TUT4: variants seen among roughly 807,000 people sequenced by gnomAD.
TUT4 encodes terminal uridylyltransferase 4.
Under a neutral mutation model 192.2 loss-of-function variants are expected in TUT4, and 36 were observed. The observed-to-expected ratio is 0.19, with a 90% CI of 0.14 to 0.25. The LOEUF is 0.25. Ranked by LOEUF, TUT4 falls within the 10% of genes least tolerant of loss-of-function variation. The pLI, the probability that TUT4 is intolerant of heterozygous loss-of-function variation, is 1.00. For synonymous variants in TUT4, 618 were observed against 666.0 expected (o/e 0.93, Z 1.11); for missense variants, 1,493 against 1,957.2 (o/e 0.76, Z 4.47).
intron 4 of TUT4, among the ~76,000 whole-genome samples, chr1:52,509,184 C>T (rs1367216335): frequency 6.6e-6 from 1 of 152,116 alleles, no homozygotes; most frequent in Non-Finnish European, 1.5e-5. Flanking sequence ...CTTCATACAC[C>T]TCCTTAGCAC....
chr1:52,502,367 AT>A (rs1390263390), intron 4 of TUT4, among the ~76,000 whole-genome samples: 2 of 152,090 alleles, frequency 1.3e-5, no homozygotes, highest in African/African-American at 4.8e-5. Context: ...TTTGTCCCCT[AT>A]GTGTATCCAC....
At chr1:52,457,486 G>A (rs12044548) in intron 20 of TUT4, among the ~76,000 whole-genome samples, 13,331 of 151,824 alleles carry the variant, frequency 0.088, 735 homozygotes, top group East Asian at 0.2. Flanking sequence ...TGCCCGCCTC[G>A]GCCTCCCAAA....
At chr1:52,542,955 A>G (rs1571503814) in intron 1 of TUT4, among the ~76,000 whole-genome samples, 1 of 151,986 alleles carries the variant, frequency 6.6e-6, no homozygotes, top group Non-Finnish European at 1.5e-5. Context: ...GCGTTTCTCC[A>G]TGTTCGTCAG....
intron 14 of TUT4, among the ~76,000 whole-genome samples, chr1:52,470,588 G>A (rs923185424): frequency 6.6e-6 from 1 of 151,720 alleles, no homozygotes; most frequent in Non-Finnish European, 1.5e-5. Flanking sequence ...ATTAACCACC[G>A]ATACACAACA....
intron 29 of TUT4, 142 bp from the exon 30 acceptor site, chr1:52,424,144 G>A: frequency 2.6e-6 from 2 of 776,138 alleles, no homozygotes; most frequent in South Asian, 1.8e-5. Context: ...ACATTTGAGA[G>A]GGTGGGGAGA....
At chr1:52,525,484 T>G in intron 2 of TUT4, 79 bp downstream of exon 2, 1 of 1,501,506 alleles carries the variant, frequency 6.7e-7, no homozygotes, top group Non-Finnish European at 8.9e-7. Flanking sequence ...TAAACATGAC[T>G]TTTTGTAATT....
At position 52,474,921 on chromosome 1, in the gene TUT4, C is replaced by T; in HGVS notation, c.2638G>A (p.Glu880Lys). The change falls in exon 13 of 30, where the codon GAA becomes AAA. Residue 880 changes from glutamate (E) to lysine (K), a missense_variant. Glu to Lys is a moderately conservative substitution (Grantham distance 56). Transcript: ENST00000257177. ...TCATCATTAAGGTCAGAAGCATCTT[C>T]TGTAGCTTTGCAGTTGCAAGAGGTA... ...SATSCNCKAT[E>K]DASDLNDDDN... 1 of 1,614,178 alleles carries T rather than the reference C, an allele frequency of 6.2e-7. No homozygotes were observed. Among genetic ancestry groups the T allele is most frequent in the Non-Finnish European group, 8.5e-7 (1 of 1,180,042 alleles).
At chr1:52,495,564 G>T in intron 5 of TUT4, 49 bp from the exon 6 acceptor site, 1 of 1,428,700 alleles carries the variant, frequency 7.0e-7, no homozygotes, top group South Asian at 1.2e-5. Flanking sequence ...GCAAATATGA[G>T]AGATGTAAAA....
chr1:52,456,042 G>A (rs533367976), intron 20 of TUT4, among the ~76,000 whole-genome samples: 1 of 152,132 alleles, frequency 6.6e-6, no homozygotes, highest in Non-Finnish European at 1.5e-5. Context: ...AAGTAAAACA[G>A]ATATTTTTCC....
At position 52,500,931 on chromosome 1, in the gene TUT4, A is replaced by G. The variant is rs537123212; in HGVS notation, c.1000-3748T>C. Reference sequence around the variant, plus strand: ...CAAAGACCTCATTTCAAAAACAAAAAAAGAAAAGAAAGATACTAAAACCTA... The same window carrying G: ...CAAAGACCTCATTTCAAAAACAAAAGAAGAAAAGAAAGATACTAAAACCTA... On this transcript the variant is annotated intron_variant, in intron 4 of 29. Transcript: ENST00000257177. 2.0e-5 allele frequency among the ~76,000 whole-genome samples: 3 copies of G among 152,296 alleles called. No individual in the cohort carries two copies. In the East Asian group the frequency reaches 5.8e-4, roughly 29 times the overall value.
chr1:52,517,316 A>T (rs942389959), intron 2 of TUT4, among the ~76,000 whole-genome samples: 1 of 152,216 alleles, frequency 6.6e-6, no homozygotes, highest in Admixed American at 6.5e-5. Flanking sequence ...ATCTGAGCTA[A>T]TGCTCTGTGT....
chr1:52,524,038 A>C (rs1251603467), intron 2 of TUT4, among the ~76,000 whole-genome samples: 3 of 152,242 alleles, frequency 2.0e-5, no homozygotes, highest in African/African-American at 7.2e-5. Flanking sequence ...GATTAAAGTT[A>C]CTCAAAAGAC....
intron 5 of TUT4, 24 bp from the exon 6 acceptor site, chr1:52,495,539 A>G: frequency 6.6e-7 from 1 of 1,525,834 alleles, no homozygotes; most frequent in South Asian, 1.2e-5. Flanking sequence ...AAAACATCAA[A>G]GCATGAAATA....
rs565963273 is a variant in TUT4, at chr1:52,509,207, CT to C, written c.999+388del. 3.3e-4 allele frequency among the ~76,000 whole-genome samples: 51 copies of C among 152,310 alleles called. No homozygotes were observed. The South Asian group carries it at 6.4e-3, about 19-fold the overall frequency. ...ACCTCCTTAGCACAATCTTCCCCCCCTAACAAGACTCATTATATTTAAATCT... is the reference window on the plus strand; with the variant it reads ...ACCTCCTTAGCACAATCTTCCCCCCCAACAAGACTCATTATATTTAAATCT... On this transcript the variant is annotated intron_variant, in intron 4 of 29. Coordinates refer to ENST00000257177, the MANE Select transcript of TUT4 (RefSeq NM_001009881.3).
At chr1:52,483,644 T>TA (rs1442105946) in intron 9 of TUT4, among the ~76,000 whole-genome samples, 1 of 152,026 alleles carries the variant, frequency 6.6e-6, no homozygotes, top group East Asian at 1.9e-4. Context: ...ACCCTGTCTC[T>TA]ACTAAAAATA....
rs116229904 is a variant in TUT4 at position 52,443,769 on chromosome 1, A to C, written c.3822+2018T>G. 3.6e-3 allele frequency among the ~76,000 whole-genome samples: 542 copies of C among 151,662 alleles called. 8 individuals are homozygous for C. Among genetic ancestry groups the C allele is most frequent in the South Asian group, 0.034 (163 of 4,804 alleles). On this transcript the variant is annotated intron_variant, in intron 24 of 29. Transcript: ENST00000257177. ...AAGAGCAAGACCCTGTATCAAAAAA[A>C]CAAAAATAAACAAAAAGGTCTGACA...
At chr1:52,428,784 T>C (rs2148091554) in intron 28 of TUT4, among the ~76,000 whole-genome samples, 1 of 152,138 alleles carries the variant, frequency 6.6e-6, no homozygotes, top group South Asian at 2.1e-4. Flanking sequence ...AGCGAGACTG[T>C]CTCAAAAAAC....
intron 20 of TUT4, among the ~76,000 whole-genome samples, chr1:52,449,488 T>A (rs1009018221): frequency 4.6e-5 from 7 of 152,200 alleles, no homozygotes; most frequent in African/African-American, 1.4e-4. Context: ...TTAGTAGAGA[T>A]GAGGTTTTGC....
chr1:52,484,567 T>C (rs1669323866), intron 9 of TUT4, among the ~76,000 whole-genome samples: 1 of 152,220 alleles, frequency 6.6e-6, no homozygotes, highest in Admixed American at 6.5e-5. Flanking sequence ...ATTTTTCTTC[T>C]AAAATTTTAA....
Sources: gnomAD v4.1 joint callset for allele counts (sites outside exome capture counted in the v4.1 genomes callset) on GRCh38, gnomAD v4.1.1 for gene constraint, MANE v1.5 for transcripts, NCBI Gene and HGNC (gene_info 2026-07-23, HGNC 2026-07-21) for gene names.